NDST4: variants seen among roughly 807,000 people sequenced by gnomAD.
The protein encoded by NDST4 is N-deacetylase and N-sulfotransferase 4, also known as N-heparan sulfate sulfotransferase 4.
In NDST4, 63 loss-of-function variants were observed where a neutral mutation model predicts 100.8. That is an observed-to-expected ratio of 0.62 (90% CI 0.51 to 0.77). NDST4 has a LOEUF of 0.77. NDST4 is among the 30% of genes least tolerant of loss of function. The pLI, the probability that NDST4 is intolerant of heterozygous loss-of-function variation, is 0.00. For synonymous variants in NDST4, 377 were observed against 361.8 expected, an observed-to-expected ratio of 1.04 and a Z score of -0.48; for missense variants, 943 against 1,018.4, an observed-to-expected ratio of 0.93 and a Z score of 1.01.
At chr4:114,831,024 GAA>G in intron 12 of NDST4, among the ~76,000 whole-genome samples, 1 of 152,196 alleles carries the variant, frequency 6.6e-6, no homozygotes, top group South Asian at 2.1e-4. Context: ...ATGGATAAAA[GAA>G]AGAGTCATTT....
chr4:114,874,414 G>A (rs1724215777), intron 6 of NDST4, among the ~76,000 whole-genome samples: 1 of 152,154 alleles, frequency 6.6e-6, no homozygotes, highest in East Asian at 1.9e-4. Flanking sequence ...GTTCTAAGCT[G>A]AGGCATGCTG....
At chr4:114,966,771 T>G (rs1050447814) in intron 4 of NDST4, among the ~76,000 whole-genome samples, 1 of 152,120 alleles carries the variant, frequency 6.6e-6, no homozygotes, top group African/African-American at 2.4e-5. Context: ...TCCAAATTTG[T>G]GGACCGATGT....
At chr4:114,986,832 A>ATATATATATTTTTTTTTTTTTT in intron 2 of NDST4, among the ~76,000 whole-genome samples, 1 of 94,664 alleles carries the variant, frequency 1.1e-5, no homozygotes, top group Non-Finnish European at 2.2e-5. Context: ...ATATATATAT[A>ATATATATATTTTTTTTTTTTTT]TTTTAATATA....
chr4:115,004,185 T>TA (rs1685191799), intron 2 of NDST4, among the ~76,000 whole-genome samples: 2 of 152,296 alleles, frequency 1.3e-5, no homozygotes, highest in South Asian at 4.1e-4. Context: ...ATTAAAAATA[T>TA]AAACAGCTGA....
intron 6 of NDST4, among the ~76,000 whole-genome samples, chr4:114,881,156 C>T (rs1724358809): frequency 6.6e-6 from 1 of 152,012 alleles, no homozygotes; most frequent in South Asian, 2.1e-4. Flanking sequence ...ATGCATTTTA[C>T]AAATTCTTAG....
intron 4 of NDST4, among the ~76,000 whole-genome samples, chr4:114,940,142 T>A (rs1187162526): frequency 6.6e-6 from 1 of 152,146 alleles, no homozygotes; most frequent in Non-Finnish European, 1.5e-5. Flanking sequence ...ACAAATAAAT[T>A]CAAATATGGC....
At chr4:115,103,766 A>G (rs1205561514) in intron 1 of NDST4, among the ~76,000 whole-genome samples, 8 of 152,206 alleles carry the variant, frequency 5.3e-5, no homozygotes, top group African/African-American at 1.9e-4. Context: ...AATAATGTGG[A>G]TAGTAACATG....
At chr4:115,081,662 A>C (rs952036322) in intron 1 of NDST4, among the ~76,000 whole-genome samples, 5 of 152,198 alleles carry the variant, frequency 3.3e-5, no homozygotes, top group African/African-American at 4.8e-5. Context: ...AAATGCTGCT[A>C]TAATGGTATA....
intron 2 of NDST4, among the ~76,000 whole-genome samples, chr4:115,042,806 C>T (rs1728381438): frequency 6.6e-6 from 1 of 152,138 alleles, no homozygotes; most frequent in East Asian, 1.9e-4. Context: ...GACTCTGCAT[C>T]AGAAGTTCCC....
chr4:115,047,883 C>T (rs1293299319), intron 2 of NDST4, among the ~76,000 whole-genome samples: 1 of 151,880 alleles, frequency 6.6e-6, no homozygotes, highest in Non-Finnish European at 1.5e-5. Context: ...AAAATAATGA[C>T]TTGTCAAATT....
chr4:114,857,344 T>A (rs1282922335), intron 7 of NDST4, among the ~76,000 whole-genome samples: 1 of 152,090 alleles, frequency 6.6e-6, no homozygotes, highest in South Asian at 2.1e-4. Context: ...GATAGACCCA[T>A]CAAATCATAA....
chr4:115,038,837 G>T (rs2126273063), intron 2 of NDST4, among the ~76,000 whole-genome samples: 1 of 152,182 alleles, frequency 6.6e-6, no homozygotes, highest in East Asian at 1.9e-4. Flanking sequence ...TTAATCAAGT[G>T]TGATGGCCCA....
At chr4:114,978,641 T>C (rs1726696743) in intron 2 of NDST4, among the ~76,000 whole-genome samples, 1 of 152,172 alleles carries the variant, frequency 6.6e-6, no homozygotes, top group African/African-American at 2.4e-5. Context: ...GTAAATGCTC[T>C]GGAATACAGC....
chr4:114,867,664 GCAAAAAAAAAAAAAA>G (rs1724060944), intron 7 of NDST4, among the ~76,000 whole-genome samples: 3,455 of 26,100 alleles, frequency 0.13, 163 homozygotes, highest in African/African-American at 0.32. Context: ...AAAAAAAAAA[GCAAAAAAAAAAAAAA>G]AAAGAAAGAA....
chr4:114,891,837 G>T (rs1724605951), intron 6 of NDST4, among the ~76,000 whole-genome samples: 1 of 152,122 alleles, frequency 6.6e-6, no homozygotes, highest in Non-Finnish European at 1.5e-5. Context: ...AGTTCCAGGT[G>T]TTGACTCTTT....
intron 2 of NDST4, among the ~76,000 whole-genome samples, chr4:114,986,832 A>ATATATATATATATATATTTTTTT: frequency 2.4e-4 from 23 of 94,660 alleles, no homozygotes; most frequent in Admixed American, 6.0e-4. Flanking sequence ...ATATATATAT[A>ATATATATATATATATATTTTTTT]TTTTAATATA....
At chr4:114,906,199 G>A (rs541815518) in intron 6 of NDST4, among the ~76,000 whole-genome samples, 49 of 151,890 alleles carry the variant, frequency 3.2e-4, no homozygotes, top group African/African-American at 1.1e-3. Context: ...AAAAAAACAA[G>A]GGAGAAAGAT....
chr4:115,010,533 T>C lies in NDST4; in HGVS notation c.979-33259A>G, dbSNP rs1181877682. Among the ~76,000 whole-genome samples the C allele has an allele frequency of 1.6e-5, 2 of 127,098 alleles. 1 individual carries two copies. Among genetic ancestry groups the C allele is most frequent in the African/African-American group, 6.0e-5 (2 of 33,358 alleles). 83.4% of individuals were successfully genotyped at this position (127,098 alleles called of 152,430 possible). On this transcript the variant is annotated intron_variant, in intron 2 of 13. Coordinates refer to ENST00000264363, the MANE Select transcript of NDST4 (RefSeq NM_022569.3). ...GGGGAACATCACACTCTGGGGACTG[T>C]TGTGGGGTTGGGGGAGGGGGTAGGG... is the stretch of plus-strand genomic sequence containing the variant.
Position 114,989,147 on chromosome 4 carries a change from T to C in NDST4, c.979-11873A>G, listed in dbSNP as rs549924289. On this transcript the variant is annotated intron_variant, in intron 2 of 13. Transcript: ENST00000264363. ...AATAAACACCTGCTAGTCTACCAAGTGATTTTCTGTAGATGAAGGGAAGCT... is the reference window on the plus strand; with the variant it reads ...AATAAACACCTGCTAGTCTACCAAGCGATTTTCTGTAGATGAAGGGAAGCT... 4.6e-5 allele frequency among the ~76,000 whole-genome samples: 7 copies of C among 152,230 alleles called. No homozygotes were observed. In the East Asian group the frequency reaches 1.4e-3, roughly 29 times the overall value.
Sources: allele counts gnomAD v4.1 joint callset (sites outside exome capture counted in the v4.1 genomes callset), GRCh38; gene constraint gnomAD v4.1.1; transcripts MANE v1.5; gene names NCBI Gene and HGNC (gene_info 2026-07-23, HGNC 2026-07-21).